XIRP2: variants seen among roughly 807,000 people sequenced by gnomAD.
The protein encoded by XIRP2 is xin actin-binding repeat-containing protein 2.
Under a neutral mutation model 277.0 loss-of-function variants are expected in XIRP2, and 236 were observed. That is an observed-to-expected ratio of 0.85 (90% CI 0.77 to 0.95). The LOEUF (loss-of-function observed/expected upper bound fraction) is 0.95. Among genes scored for constraint, XIRP2 ranks in the 40% least tolerant of loss-of-function variants. The pLI, the probability that XIRP2 is intolerant of heterozygous loss-of-function variation, is 0.00. For missense variants in XIRP2, 4,640 were observed against 4,157.5 expected, an observed-to-expected ratio of 1.12 and a Z score of -3.19; for synonymous variants, 1,490 against 1,416.5, an observed-to-expected ratio of 1.05 and a Z score of -1.17.
At position 167,245,138 on chromosome 2, in the gene XIRP2, A is replaced by G. The variant is rs761334530; in HGVS notation, c.3746A>G (p.Asp1249Gly). 1.9e-6 allele frequency: 3 copies of G among 1,612,384 alleles called. No individual in the cohort carries two copies. Among genetic ancestry groups the G allele is most frequent in the Non-Finnish European group, 2.5e-6 (3 of 1,179,440 alleles). ...CRWLFENQPI[D>G]KIKESQEGDE... ...TGGCTTTTTGAAAACCAACCAATTG[A>G]TAAGATAAAAGAAAGCCAAGAAGGT... The change falls in exon 9 of 11, where the codon GAT (aspartate) becomes GGT (glycine). Residue 1249 changes from aspartate to glycine, a missense_variant. Asp to Gly is a moderately conservative substitution (Grantham distance 94). Coordinates refer to ENST00000409195, the MANE Select transcript of XIRP2 (RefSeq NM_152381.6).
chr2:167,167,606 C>T (rs949325024), intron 3 of XIRP2, among the ~76,000 whole-genome samples: 1 of 152,102 alleles, frequency 6.6e-6, no homozygotes. Context: ...ATGGGTAGTG[C>T]AAGTACCTTA....
At chr2:167,007,484 A>G (rs1228124144) in intron 2 of XIRP2, among the ~76,000 whole-genome samples, 3 of 151,690 alleles carry the variant, frequency 2.0e-5, no homozygotes, top group Admixed American at 6.6e-5. Context: ...TTTTCAAATT[A>G]TACTTATGGA....
chr2:167,243,727 T>C lies in XIRP2; in HGVS notation c.2335T>C (p.Leu779=). 6.2e-7 allele frequency: 1 copy of C among 1,614,004 alleles called. No homozygotes were observed. The highest frequency in any genetic ancestry group is 1.3e-5 in the African/African-American group (1 of 75,024). The change falls in exon 9 of 11, where the codon TTG becomes CTG. Residue 779 remains leucine, a synonymous_variant. Transcript: ENST00000409195. The stretch of plus-strand genomic sequence containing the variant: ...ACGGTGGATGTTTGAAACACAGCCG[T>C]TGGACACAATTAACAAAGATATCAC... ...TARWMFETQP[L]DTINKDITEI...
rs765032913 is a variant in XIRP2 at position 166,998,193 on chromosome 2, A to G, written c.408+94303A>G. Reference sequence around the variant, plus strand: ...GTGCTGCAATGAACATACGCATGCAAATCACCACAGCACACGTTTACCTAA... The same window carrying G: ...GTGCTGCAATGAACATACGCATGCAGATCACCACAGCACACGTTTACCTAA... On this transcript the variant is annotated intron_variant, in intron 2 of 10. Transcript: ENST00000409195. 8.7e-4 allele frequency among the ~76,000 whole-genome samples: 132 copies of G among 152,198 alleles called. 3 individuals are homozygous for G. The highest frequency in any genetic ancestry group is 2.2e-4 in the Non-Finnish European group (15 of 68,034).
intron 1 of XIRP2, among the ~76,000 whole-genome samples, chr2:166,894,151 A>G (rs1684180549): frequency 6.6e-6 from 1 of 152,182 alleles, no homozygotes; most frequent in African/African-American, 2.4e-5. Context: ...CAAAGTTACA[A>G]TAATAGAGGC....
chr2:167,214,227 A>AG lies in XIRP2; in HGVS notation c.723+3334dup, dbSNP rs1694165789. On this transcript the variant is annotated intron_variant, in intron 4 of 10. Transcript: ENST00000409195. ...AAGAGAGGGAGGGAGGGAGGGAGGG[A>AG]GGAAGGAAGGAAGGAAGGAAGGAAG... is the stretch of plus-strand genomic sequence containing the variant. Among the ~76,000 whole-genome samples the AG allele has an allele frequency of 5.8e-3, 404 of 69,134 alleles. 9 individuals are homozygous for AG. The highest frequency in any genetic ancestry group is 7.8e-3 in the Non-Finnish European group (299 of 38,330). 45.4% of individuals were successfully genotyped at this position (69,134 alleles called of 152,430 possible).
chr2:167,125,003 A>G (rs1324228512), intron 2 of XIRP2, among the ~76,000 whole-genome samples: 1 of 152,178 alleles, frequency 6.6e-6, no homozygotes, highest in Admixed American at 6.5e-5. Flanking sequence ...GAAACCAGGA[A>G]GCCCAGTTAA....
Position 167,210,788 on chromosome 2 carries a change from C to T in XIRP2, c.616C>T (p.Arg206Trp), listed in dbSNP as rs1375329184. ...ESGFAEDSAARGEGVSDLHEV... is the reference protein window; with the variant it reads ...ESGFAEDSAAWGEGVSDLHEV... The stretch of plus-strand genomic sequence containing the variant: ...TGGATTTGCAGAAGACAGTGCTGCT[C>T]GGGGCGAGGGTGTGTCAGACCTCCA... The change falls in exon 4 of 11, where the codon CGG becomes TGG. Residue 206 changes from arginine to tryptophan, a missense_variant. Physicochemically the swap from Arg to Trp is moderately radical, Grantham distance 101. Transcript: ENST00000409195. 4.3e-6 allele frequency: 7 copies of T among 1,614,142 alleles called. No homozygotes were observed. The highest frequency in any genetic ancestry group is 1.1e-5 in the South Asian group (1 of 91,084).
intron 2 of XIRP2, among the ~76,000 whole-genome samples, chr2:167,000,339 C>G (rs1322911833): frequency 1.3e-5 from 2 of 151,938 alleles, no homozygotes; most frequent in African/African-American, 4.8e-5. Flanking sequence ...TTCTTTTTTG[C>G]TTGTTTTTAT....
intron 2 of XIRP2, among the ~76,000 whole-genome samples, chr2:167,060,766 G>A (rs1689155553): frequency 6.6e-6 from 1 of 152,056 alleles, no homozygotes; most frequent in Non-Finnish European, 1.5e-5. Flanking sequence ...TCAATTACTA[G>A]AGAGTTATGA....
intron 5 of XIRP2, among the ~76,000 whole-genome samples, chr2:167,219,281 G>A (rs1055327221): frequency 2.0e-5 from 3 of 152,048 alleles, no homozygotes; most frequent in Admixed American, 6.6e-5. Context: ...ATTACCTAAA[G>A]GAAACTTAAT....
At chr2:167,168,557 A>G (rs1692588289) in intron 3 of XIRP2, among the ~76,000 whole-genome samples, 2 of 152,122 alleles carry the variant, frequency 1.3e-5, no homozygotes, top group African/African-American at 4.8e-5. Flanking sequence ...CAATTCTGTT[A>G]TAGTGTTTTG....
chr2:167,086,731 G>A (rs992751373), intron 2 of XIRP2, among the ~76,000 whole-genome samples: 8 of 150,592 alleles, frequency 5.3e-5, no homozygotes, highest in South Asian at 2.1e-4. Flanking sequence ...CCAGTTGATC[G>A]CATCAGCTCC....
intron 2 of XIRP2, among the ~76,000 whole-genome samples, chr2:166,945,841 T>A (rs1208834553): frequency 6.6e-6 from 1 of 151,938 alleles, no homozygotes; most frequent in Non-Finnish European, 1.5e-5. Context: ...CCGGCTAATT[T>A]TGTTTGTTTG....
At chr2:167,082,980 G>C (rs146712400) in intron 2 of XIRP2, among the ~76,000 whole-genome samples, 15,502 of 152,102 alleles carry the variant, frequency 0.1, 1,584 homozygotes, top group African/African-American at 0.26. Context: ...GTCATTTGTT[G>C]CCATTGCTTT....
At chr2:167,220,949 G>A (rs981228451) in intron 5 of XIRP2, among the ~76,000 whole-genome samples, 1 of 152,122 alleles carries the variant, frequency 6.6e-6, no homozygotes, top group Non-Finnish European at 1.5e-5. Context: ...CTAGAATTCT[G>A]AATATTTGCA....
At chr2:167,192,642 T>A (rs867682088) in intron 3 of XIRP2, among the ~76,000 whole-genome samples, 2 of 152,198 alleles carry the variant, frequency 1.3e-5, no homozygotes, top group South Asian at 2.1e-4. Flanking sequence ...TTATTAAAAT[T>A]CTGTCAATTC....
intron 2 of XIRP2, among the ~76,000 whole-genome samples, chr2:167,099,358 A>C (rs1690423085): frequency 6.6e-6 from 1 of 152,092 alleles, no homozygotes; most frequent in Admixed American, 6.5e-5. Flanking sequence ...CCCTCCACCC[A>C]CCAAGCTCGA....
chr2:167,242,844 C>A lies in XIRP2; in HGVS notation c.1452C>A (p.Val484=), dbSNP rs1559037236. 6.2e-7 allele frequency: 1 copy of A among 1,614,100 alleles called. No homozygotes were observed. Among genetic ancestry groups the A allele is most frequent in the Non-Finnish European group, 8.5e-7 (1 of 1,180,012 alleles). The change falls in exon 9 of 11, where the codon GTC becomes GTA. Residue 484 remains valine (V), a synonymous_variant. Coordinates refer to ENST00000409195, the MANE Select transcript of XIRP2 (RefSeq NM_152381.6). ...ELPSPPRRLP[V]PKDVYSKQRN... ...CCAGTCCTCCTAGAAGACTACCAGT[C>A]CCCAAAGATGTATATTCCAAGCAAA...
Sources: gnomAD v4.1 joint callset for allele counts (sites outside exome capture counted in the v4.1 genomes callset) on GRCh38, gnomAD v4.1.1 for gene constraint, MANE v1.5 for transcripts, NCBI Gene and HGNC (gene_info 2026-07-23, HGNC 2026-07-21) for gene names.